The following ZNF57 variants were observed in gnomAD, a reference collection of about 807,000 sequenced individuals.
ZNF57 encodes zinc finger protein 57.
In ZNF57, 11 loss-of-function variants were observed where a neutral mutation model predicts 13.4. The observed-to-expected ratio is 0.82, with a 90% CI of 0.52 to 1.36. The LOEUF is 1.36. ZNF57 is among the 40% of genes most tolerant of loss of function. ZNF57 has a pLI of 0.00. For missense variants in ZNF57, 696 were observed against 667.5 expected (o/e 1.04, Z -0.47); for synonymous variants, 224 against 238.5 (o/e 0.94, Z 0.56).
intron 1 of ZNF57, 42 bp downstream of exon 1, chr19:2,901,090 G>T (rs745971985): frequency 2.7e-6 from 4 of 1,509,320 alleles, no homozygotes; most frequent in Non-Finnish European, 3.5e-6. Context: ...CGGTCGGAGC[G>T]ACGGGAACCG....
chr19:2,906,220 T>C (rs1327603662), intron 1 of ZNF57, among the ~76,000 whole-genome samples: 1 of 152,170 alleles, frequency 6.6e-6, no homozygotes, highest in Non-Finnish European at 1.5e-5. Flanking sequence ...ACCCAGCTAA[T>C]TAAAAAAAAT....
At chr19:2,909,435 C>T (rs2088114611) in intron 1 of ZNF57, among the ~76,000 whole-genome samples, 1 of 57,036 alleles carries the variant, frequency 1.8e-5, no homozygotes, top group African/African-American at 4.6e-5. Context: ...CGCCCGACAC[C>T]ACGCCCGGCT....
At chr19:2,915,997 A>C in intron 2 of ZNF57, 81 bp from the exon 3 acceptor site, 1 of 1,484,726 alleles carries the variant, frequency 6.7e-7, no homozygotes, top group Non-Finnish European at 9.1e-7. Flanking sequence ...TGAGGTCCTC[A>C]AAATGCTAAA....
At chr19:2,908,249 T>C (rs996692639) in intron 1 of ZNF57, among the ~76,000 whole-genome samples, 1 of 152,360 alleles carries the variant, frequency 6.6e-6, no homozygotes, top group South Asian at 2.1e-4. Context: ...GACAAGTTTA[T>C]GTTTTATAAT....
At chr19:2,916,765 A>C (rs1326054459) in intron 3 of ZNF57, 159 bp from the exon 4 acceptor site, 5 of 567,574 alleles carry the variant, frequency 8.8e-6, no homozygotes, top group Non-Finnish European at 1.2e-5. Context: ...ATATATAATA[A>C]ATACTGCATT....
Position 2,909,916 on chromosome 19 carries a change from A to G in ZNF57, c.4-5606A>G, listed in dbSNP as rs1356742448. ...GAAAATGCATAGTGTCAGTCTTCCA[A>G]CTTGAACCTTCCCCTTCAATACTGT... is the stretch of plus-strand genomic sequence containing the variant. On this transcript the variant is annotated intron_variant, in intron 1 of 3. Coordinates refer to ENST00000306908, the MANE Select transcript of ZNF57 (RefSeq NM_173480.3). 1.5e-4 allele frequency among the ~76,000 whole-genome samples: 7 copies of G among 47,858 alleles called. 3 individuals are homozygous for G. Among genetic ancestry groups the G allele is most frequent in the Admixed American group, 9.7e-4 (4 of 4,124 alleles). 31.4% of individuals were successfully genotyped at this position (47,858 alleles called of 152,430 possible).
chr19:2,909,281 G>GTT lies in ZNF57; in HGVS notation c.4-6225_4-6224dup, dbSNP rs753880478. Among the ~76,000 whole-genome samples the GTT allele has an allele frequency of 6.3e-3, 671 of 107,152 alleles. 49 individuals carry two copies. Among genetic ancestry groups the GTT allele is most frequent in the African/African-American group, 0.022 (618 of 28,676 alleles). The allele number at this position is 107,152 out of a possible 152,430, so 70.3% of individuals were successfully genotyped here. A position where few individuals can be genotyped will look rare whatever the true frequency, so the allele number is the denominator to read the frequency against. The stretch of plus-strand genomic sequence containing the variant: ...AATAGATTTTATTTTATTTATTTTT[G>GTT]TTTTTTTTTTTTTTTTTGAGACAGA... On this transcript the variant is annotated intron_variant, in intron 1 of 3. Transcript: ENST00000306908.
chr19:2,916,330 C>T (rs2088195223), intron 3 of ZNF57, 81 bp downstream of exon 3: 3 of 1,290,894 alleles, frequency 2.3e-6, no homozygotes, highest in South Asian at 3.9e-5. Flanking sequence ...AAGCATTGCT[C>T]CAAATTTGTT....
intron 1 of ZNF57, 109 bp from the exon 2 acceptor site, chr19:2,915,413 G>A: frequency 7.1e-7 from 1 of 1,399,868 alleles, no homozygotes; most frequent in Non-Finnish European, 9.8e-7. Context: ...GCGTCATAGA[G>A]GAGGTGTTGG....
intron 1 of ZNF57, among the ~76,000 whole-genome samples, chr19:2,913,547 A>G (rs561917903): frequency 4.1e-4 from 62 of 152,186 alleles, no homozygotes; most frequent in Non-Finnish European, 6.8e-4. Flanking sequence ...TCTTTGATCC[A>G]TTAGTTATGG....
At chr19:2,905,329 TAATTTTTA>T (rs1047453372) in intron 1 of ZNF57, among the ~76,000 whole-genome samples, 75 of 149,480 alleles carry the variant, frequency 5.0e-4, no homozygotes, top group African/African-American at 1.8e-3. Context: ...CACGCCCAGT[TAATTTTTA>T]AATTTTTAGT....
chr19:2,905,564 A>G (rs1406884567), intron 1 of ZNF57, among the ~76,000 whole-genome samples: 1 of 150,968 alleles, frequency 6.6e-6, no homozygotes, highest in African/African-American at 2.4e-5. Flanking sequence ...GGAGATCGAG[A>G]CCATCCTGGC....
intron 1 of ZNF57, among the ~76,000 whole-genome samples, chr19:2,907,382 G>A (rs1313071776): frequency 6.6e-6 from 1 of 152,118 alleles, no homozygotes; most frequent in East Asian, 1.9e-4. Context: ...CTGTCCCCGT[G>A]CCTGGCTCTT....
intron 1 of ZNF57, among the ~76,000 whole-genome samples, chr19:2,911,422 G>A (rs1410813212): frequency 6.6e-6 from 1 of 152,010 alleles, no homozygotes; most frequent in Non-Finnish European, 1.5e-5. Context: ...AATCCCAGCT[G>A]CTCGGGAGGC....
At position 2,915,562 on chromosome 19, in the gene ZNF57, T is replaced by G; in HGVS notation, c.44T>G (p.Leu15Arg). 6.2e-7 allele frequency: 1 copy of G among 1,614,042 alleles called. No individual in the cohort carries two copies. Residue 15 changes from leucine to arginine, a missense_variant, in exon 2 of 4, where the codon CTG becomes CGG. Coordinates refer to ENST00000306908, the MANE Select transcript of ZNF57 (RefSeq NM_173480.3). ...VFEDVAVDFTLEEWALLDSAQ... is the reference protein window; with the variant it reads ...VFEDVAVDFTREEWALLDSAQ... ...GAGGATGTGGCTGTGGACTTCACCC[T>G]GGAGGAGTGGGCTTTGCTGGATTCT...
chr19:2,907,754 C>T (rs920958032), intron 1 of ZNF57, among the ~76,000 whole-genome samples: 2 of 152,182 alleles, frequency 1.3e-5, no homozygotes, highest in Non-Finnish European at 2.9e-5. Context: ...CACTCTGTTG[C>T]CCAGACTGGA....
Position 2,913,099 on chromosome 19 carries a change from A to G in ZNF57, c.4-2423A>G, listed in dbSNP as rs1213609706. Among the ~76,000 whole-genome samples, 3 of 152,224 alleles carry G rather than the reference A, an allele frequency of 2.0e-5. No homozygotes were observed. The South Asian group carries it at 6.2e-4, about 32-fold the overall frequency. On this transcript the variant is annotated intron_variant, in intron 1 of 3. Coordinates refer to ENST00000306908, the MANE Select transcript of ZNF57 (RefSeq NM_173480.3). ...CTCCTGAGTAGCTGGGATTACAGGC[A>G]TCCGCCACCACGCCCAGCTAATTTT...
chr19:2,910,709 C>T lies in ZNF57; in HGVS notation c.4-4813C>T, dbSNP rs1467142430. Reference sequence around the variant, plus strand: ...TCTCCTGACATCGTGATCTGCCCGCCTCGGCCTCCCGAAGTGTTGGGGTTA... The same window carrying T: ...TCTCCTGACATCGTGATCTGCCCGCTTCGGCCTCCCGAAGTGTTGGGGTTA... On this transcript the variant is annotated intron_variant, in intron 1 of 3. Transcript: ENST00000306908. 4.3e-5 allele frequency among the ~76,000 whole-genome samples: 5 copies of T among 115,156 alleles called. 1 individual carries two copies. Among genetic ancestry groups the T allele is most frequent in the African/African-American group, 1.5e-4 (5 of 34,160 alleles). 75.5% of individuals were successfully genotyped at this position (115,156 alleles called of 152,430 possible).
intron 1 of ZNF57, among the ~76,000 whole-genome samples, chr19:2,913,056 C>T (rs1247526624): frequency 1.3e-5 from 2 of 152,128 alleles, no homozygotes; most frequent in African/African-American, 2.4e-5. Context: ...TGGGTTCAAG[C>T]GATTCTCCCT....
Sources: allele counts gnomAD v4.1 joint callset (sites outside exome capture counted in the v4.1 genomes callset), GRCh38; gene constraint gnomAD v4.1.1; transcripts MANE v1.5; gene names NCBI Gene and HGNC (gene_info 2026-07-23, HGNC 2026-07-21).